Variants in SLC2A13 observed in about 807,000 individuals in gnomAD.
SLC2A13 encodes solute carrier family 2 member 13.
A neutral mutation model predicts 64.4 loss-of-function variants in SLC2A13; 32 were observed. The observed-to-expected ratio is 0.50, with a 90% CI of 0.37 to 0.67. SLC2A13 has a LOEUF of 0.67. Ranked by LOEUF, SLC2A13 falls within the 30% of genes least tolerant of loss-of-function variation. SLC2A13 has a pLI of 0.00. For missense variants in SLC2A13, 743 were observed against 829.2 expected (o/e 0.90, Z 1.28); for synonymous variants, 338 against 327.1 (o/e 1.03, Z -0.36).
At chr12:40,099,614 G>C (rs2896905) in intron 1 of SLC2A13, among the ~76,000 whole-genome samples, 1 of 151,978 alleles carries the variant, frequency 6.6e-6, no homozygotes, top group African/African-American at 2.4e-5. Context: ...CATAACTCAC[G>C]TTAACAGACT....
chr12:39,988,019 T>G (rs1044584625), intron 3 of SLC2A13, among the ~76,000 whole-genome samples: 1 of 152,204 alleles, frequency 6.6e-6, no homozygotes, highest in East Asian at 1.9e-4. Context: ...CTGAACTTAG[T>G]AAATCCCCTA....
At chr12:40,071,758 C>T (rs1041842523) in intron 1 of SLC2A13, among the ~76,000 whole-genome samples, 8 of 152,020 alleles carry the variant, frequency 5.3e-5, no homozygotes, top group African/African-American at 1.2e-4. Context: ...TTTTTAATGT[C>T]CATGGAATCT....
chr12:39,908,342 G>A (rs927622931), intron 4 of SLC2A13: 5 of 151,796 alleles, frequency 3.3e-5, no homozygotes, highest in African/African-American at 1.2e-4. Context: ...TGAGTACAGA[G>A]ACTGTTTTCT....
At chr12:39,931,690 C>T (rs1028165571) in intron 4 of SLC2A13, among the ~76,000 whole-genome samples, 67 of 152,122 alleles carry the variant, frequency 4.4e-4, no homozygotes, top group African/African-American at 1.5e-3. Flanking sequence ...TTCCCAATTT[C>T]AACTGAGCTT....
intron 7 of SLC2A13, among the ~76,000 whole-genome samples, chr12:39,810,800 C>A (rs1263776162): frequency 6.6e-6 from 1 of 152,024 alleles, no homozygotes; most frequent in East Asian, 1.9e-4. Context: ...GTTAAATCAA[C>A]CATGAATTCC....
chr12:39,763,769 A>C (rs1217028253), intron 9 of SLC2A13, among the ~76,000 whole-genome samples: 1 of 152,126 alleles, frequency 6.6e-6, no homozygotes. Flanking sequence ...AAGTCATGTG[A>C]ACAATGCAGA....
At chr12:39,816,772 C>T (rs956666471) in intron 7 of SLC2A13, among the ~76,000 whole-genome samples, 1 of 151,960 alleles carries the variant, frequency 6.6e-6, no homozygotes, top group Non-Finnish European at 1.5e-5. Context: ...AACCTCTCAC[C>T]ATTTGCCTTC....
In SLC2A13 at chr12:40,018,733, C is replaced by T. The variant is rs561280208; in HGVS notation, c.925+9568G>A. On this transcript the variant is annotated intron_variant, in intron 3 of 9. Transcript: ENST00000280871. ...CGAGACAATAATTGCATCTTCTTTG[C>T]AGGGTTCACTGATTGGGGTAAACAG... 2.6e-5 allele frequency among the ~76,000 whole-genome samples: 4 copies of T among 152,184 alleles called. 1 individual carries two copies. In the South Asian group the frequency reaches 8.3e-4, roughly 32 times the overall value.
intron 7 of SLC2A13, among the ~76,000 whole-genome samples, chr12:39,769,861 A>G (rs1940498755): frequency 6.6e-6 from 1 of 151,530 alleles, no homozygotes; most frequent in South Asian, 2.1e-4. Context: ...CAACTCTCCC[A>G]CCCTCCCAGA....
At chr12:39,828,299 G>A (rs756032120) in intron 7 of SLC2A13, among the ~76,000 whole-genome samples, 1 of 151,880 alleles carries the variant, frequency 6.6e-6, no homozygotes, top group Non-Finnish European at 1.5e-5. Context: ...CTATTGTAAG[G>A]ATATGCTGTG....
At chr12:39,761,266 A>G (rs944695524) in intron 9 of SLC2A13, among the ~76,000 whole-genome samples, 2 of 150,166 alleles carry the variant, frequency 1.3e-5, no homozygotes, top group African/African-American at 4.9e-5. Flanking sequence ...GGGGCTTCTC[A>G]GCTCCTACTT....
At chr12:40,008,903 AC>A (rs1490459468) in intron 3 of SLC2A13, among the ~76,000 whole-genome samples, 1 of 152,194 alleles carries the variant, frequency 6.6e-6, no homozygotes, top group Non-Finnish European at 1.5e-5. Context: ...TGTTTATGAT[AC>A]CCCCAAATGT....
chr12:40,036,926 G>C (rs1248685653), intron 2 of SLC2A13, among the ~76,000 whole-genome samples: 2 of 151,916 alleles, frequency 1.3e-5, no homozygotes, highest in African/African-American at 2.4e-5. Flanking sequence ...CTTCTACTCT[G>C]GTTTCCTGAA....
chr12:39,804,016 T>G (rs1300887467), intron 7 of SLC2A13, among the ~76,000 whole-genome samples: 1 of 152,004 alleles, frequency 6.6e-6, no homozygotes, highest in Non-Finnish European at 1.5e-5. Flanking sequence ...AAGAAATGTC[T>G]GAATTCATTA....
intron 4 of SLC2A13, among the ~76,000 whole-genome samples, chr12:39,879,860 T>A (rs1475549610): frequency 6.6e-6 from 1 of 152,142 alleles, no homozygotes; most frequent in Admixed American, 6.5e-5. Flanking sequence ...AGAGGTGGAA[T>A]GATGTAGTTT....
intron 1 of SLC2A13, among the ~76,000 whole-genome samples, chr12:40,077,939 T>C (rs912157842): frequency 3.9e-5 from 6 of 152,198 alleles, no homozygotes; most frequent in African/African-American, 1.2e-4. Flanking sequence ...CATTCTTGAT[T>C]TGGCTCTCGG....
At chr12:39,929,881 A>G (rs1308028405) in intron 4 of SLC2A13, among the ~76,000 whole-genome samples, 1 of 152,212 alleles carries the variant, frequency 6.6e-6, no homozygotes, top group Non-Finnish European at 1.5e-5. Flanking sequence ...CTGTAATCCC[A>G]GCACTTTGGG....
chr12:40,006,073 CT>C (rs1947412681), intron 3 of SLC2A13, among the ~76,000 whole-genome samples: 1 of 151,464 alleles, frequency 6.6e-6, no homozygotes, highest in South Asian at 2.1e-4. Flanking sequence ...TCTAAACATA[CT>C]CAACTTCCCA....
At chr12:40,000,131 T>G (rs1341526514) in intron 3 of SLC2A13, among the ~76,000 whole-genome samples, 1 of 152,186 alleles carries the variant, frequency 6.6e-6, no homozygotes, top group African/African-American at 2.4e-5. Context: ...CTGCCATCCA[T>G]GTAAGCCATG....
Sources: gnomAD v4.1 joint callset for allele counts (sites outside exome capture counted in the v4.1 genomes callset) on GRCh38, gnomAD v4.1.1 for gene constraint, MANE v1.5 for transcripts, NCBI Gene and HGNC (gene_info 2026-07-23, HGNC 2026-07-21) for gene names.